The following ABCB5 variants were observed in gnomAD, a reference collection of about 807,000 sequenced individuals.
ABCB5 encodes the protein ATP-binding cassette sub-family B member 5.
A neutral mutation model predicts 144.2 loss-of-function variants in ABCB5; 155 were observed. The observed-to-expected ratio is 1.08, with a 90% CI of 0.94 to 1.23. The LOEUF (loss-of-function observed/expected upper bound fraction) is 1.23, where lower values mean the gene tolerates loss of function less well. Among genes scored for constraint, ABCB5 ranks in the 50% most tolerant of loss-of-function variants. The pLI is 0.00. For missense variants in ABCB5, 1,830 were observed against 1,520.8 expected, an observed-to-expected ratio of 1.20 and a Z score of -3.38; for synonymous variants, 610 against 528.6, an observed-to-expected ratio of 1.15 and a Z score of -2.11.
chr7:20,709,690 T>A (rs1244360603), intron 20 of ABCB5, among the ~76,000 whole-genome samples: 4 of 149,940 alleles, frequency 2.7e-5, no homozygotes, highest in Non-Finnish European at 4.5e-5. Flanking sequence ...AGAAGCAGGG[T>A]AAAGTGATGA....
chr7:20,699,515 G>C (rs1349616204), intron 17 of ABCB5, among the ~76,000 whole-genome samples: 2 of 151,932 alleles, frequency 1.3e-5, no homozygotes, highest in Non-Finnish European at 2.9e-5. Flanking sequence ...AGCCTGCCCA[G>C]TATAGTGAAA....
At chr7:20,750,094 G>A (rs763925760) in intron 26 of ABCB5, among the ~76,000 whole-genome samples, 3 of 152,212 alleles carry the variant, frequency 2.0e-5, no homozygotes, top group East Asian at 3.9e-4. Flanking sequence ...ATTGGATATT[G>A]GAATTACTCA....
At chr7:20,723,277 T>G (rs1327252380) in intron 21 of ABCB5, 58 bp downstream of exon 21, 14 of 1,508,916 alleles carry the variant, frequency 9.3e-6, no homozygotes, top group Non-Finnish European at 1.1e-5. Context: ...AGTCAGAACT[T>G]TATGATATGT....
chr7:20,643,441 C>T lies in ABCB5; in HGVS notation c.507-20C>T, dbSNP rs775369630. The T allele has an allele frequency of 1.9e-6, 3 of 1,613,688 alleles. No individual in the cohort carries two copies. The highest frequency in any genetic ancestry group is 1.7e-6 in the Non-Finnish European group (2 of 1,179,718). The stretch of plus-strand genomic sequence containing the variant: ...ATGTGACATGTAAATGACCTAACTA[C>T]ATTTATTTGCTTGTTTCAGTGACAT... On this transcript the variant is annotated intron_variant, in intron 6 of 27. Coordinates refer to ENST00000404938, the MANE Select transcript of ABCB5 (RefSeq NM_001163941.2).
At chr7:20,721,706 G>A (rs1431563613) in intron 20 of ABCB5, among the ~76,000 whole-genome samples, 2 of 152,020 alleles carry the variant, frequency 1.3e-5, no homozygotes, top group Non-Finnish European at 2.9e-5. Flanking sequence ...TTGTGTGAAC[G>A]GTAAATGTAC....
At chr7:20,751,774 T>C (rs139238195) in intron 26 of ABCB5, among the ~76,000 whole-genome samples, 1 of 152,300 alleles carries the variant, frequency 6.6e-6, no homozygotes, top group Non-Finnish European at 1.5e-5. Flanking sequence ...TTATCTATGG[T>C]TCCAAATTTA....
intron 23 of ABCB5, among the ~76,000 whole-genome samples, chr7:20,731,004 G>C (rs10266236): frequency 0.14 from 21,458 of 151,858 alleles, 1,603 homozygotes; most frequent in African/African-American, 0.19. Flanking sequence ...ATTTTCATCT[G>C]TTTTCATCAA....
rs1583402585 is a variant in ABCB5 at position 20,658,667 on chromosome 7, A to G, written c.1698A>G (p.Ala566=). ...AAAGCAAGTCAGCTGTTCAAGCTGC[A>G]CTGGAGAAGGTAAGTGAGCAGAAAC... ...DSESKSAVQA[A]LEKASKGRTT... The change falls in exon 14 of 28, where the codon GCA becomes GCG. Residue 566 remains alanine (A), a synonymous_variant. Coordinates refer to ENST00000404938, the MANE Select transcript of ABCB5 (RefSeq NM_001163941.2). 1 of 1,613,948 alleles carries G rather than the reference A, an allele frequency of 6.2e-7. No homozygotes were observed. The highest frequency in any genetic ancestry group is 8.5e-7 in the Non-Finnish European group (1 of 1,179,934).
chr7:20,636,471 A>C (rs532129960), intron 5 of ABCB5, among the ~76,000 whole-genome samples: 1 of 152,080 alleles, frequency 6.6e-6, no homozygotes, highest in Admixed American at 6.6e-5. Context: ...TTTTTTTAAG[A>C]CTCATTTAAA....
At chr7:20,717,996 A>G (rs1781739816) in intron 20 of ABCB5, among the ~76,000 whole-genome samples, 1 of 131,792 alleles carries the variant, frequency 7.6e-6, no homozygotes. Context: ...CCACCTCCCG[A>G]GTTAACGCCA....
rs1193476917 is a variant in ABCB5 at position 20,647,612 on chromosome 7, A to G, written c.1059A>G (p.Arg353=). The G allele has an allele frequency of 1.3e-6, 2 of 1,583,122 alleles. No homozygotes were observed. Among genetic ancestry groups the G allele is most frequent in the East Asian group, 4.5e-5 (2 of 44,086 alleles). The part of the protein sequence containing the change: ...VPHFETFAIA[R]GAAFHIFQVI... ...ACTTTGAAACCTTCGCAATAGCCCG[A>G]GGAGCTGCCTTTCATATTTTCCAGG... Residue 353 remains arginine (R), a synonymous_variant, in exon 10 of 28, where the codon CGA becomes CGG. Transcript: ENST00000404938.
At chr7:20,714,397 GC>G (rs1364144424) in intron 20 of ABCB5, among the ~76,000 whole-genome samples, 1 of 151,258 alleles carries the variant, frequency 6.6e-6, no homozygotes, top group African/African-American at 2.4e-5. Context: ...ATCTAAGAAA[GC>G]TTAATTAAAT....
At chr7:20,622,118 T>C (rs78019691) in intron 1 of ABCB5, among the ~76,000 whole-genome samples, 4 of 152,084 alleles carry the variant, frequency 2.6e-5, no homozygotes, top group South Asian at 2.1e-4. Context: ...TTATTGAGAA[T>C]AGAACGCATA....
At chr7:20,743,347 C>T (rs923027617) in intron 25 of ABCB5, among the ~76,000 whole-genome samples, 20 of 152,246 alleles carry the variant, frequency 1.3e-4, no homozygotes, top group Admixed American at 1.3e-3. Flanking sequence ...TACTTTAGAA[C>T]ATGGGTGCTG....
intron 7 of ABCB5, among the ~76,000 whole-genome samples, chr7:20,644,512 CT>C (rs1468867091): frequency 6.6e-6 from 1 of 152,200 alleles, no homozygotes; most frequent in Non-Finnish European, 1.5e-5. Context: ...ATTTTTAGCA[CT>C]GTTTTGCTGT....
intron 14 of ABCB5, among the ~76,000 whole-genome samples, chr7:20,670,781 T>A (rs926484468): frequency 1.3e-5 from 2 of 152,286 alleles, no homozygotes; most frequent in Admixed American, 1.3e-4. Context: ...TGGTGGCACA[T>A]GCCTGTAATC....
At chr7:20,628,636 G>C (rs1783962195) in intron 3 of ABCB5, 52 bp from the exon 4 acceptor site, 2 of 1,559,360 alleles carry the variant, frequency 1.3e-6, no homozygotes, top group Admixed American at 1.9e-5. Context: ...TGTGTGCTTG[G>C]TGTGTTTGTT....
intron 5 of ABCB5, among the ~76,000 whole-genome samples, chr7:20,640,183 A>G (rs1266997657): frequency 6.6e-6 from 1 of 152,202 alleles, no homozygotes; most frequent in African/African-American, 2.4e-5. Flanking sequence ...CTCTTACTAG[A>G]AAATACAGTA....
chr7:20,621,863 A>G (rs754139235), intron 1 of ABCB5, among the ~76,000 whole-genome samples: 48 of 152,290 alleles, frequency 3.2e-4, no homozygotes, highest in Non-Finnish European at 5.7e-4. Context: ...TAAGAATTCA[A>G]CCAACTAACC....
Sources: gnomAD v4.1 joint callset for allele counts (sites outside exome capture counted in the v4.1 genomes callset) on GRCh38, gnomAD v4.1.1 for gene constraint, MANE v1.5 for transcripts, NCBI Gene and HGNC (gene_info 2026-07-23, HGNC 2026-07-21) for gene names.